The following SYNPR variants were observed in gnomAD, a reference collection of about 807,000 sequenced individuals.
The protein encoded by SYNPR is synaptoporin.
SYNPR carries 23 observed loss-of-function variants against 32.9 expected under a neutral mutation model. The ratio of observed to expected loss-of-function variants is 0.70; its 90% confidence interval spans 0.50 to 0.99. SYNPR has a LOEUF of 0.99. SYNPR is among the 50% of genes least tolerant of loss of function. The pLI, the probability that SYNPR is intolerant of heterozygous loss-of-function variation, is 0.00. For synonymous variants in SYNPR, 146 were observed against 135.9 expected (o/e 1.07, Z -0.52); for missense variants, 318 against 349.3 (o/e 0.91, Z 0.71).
At chr3:63,463,647 T>C (rs901392920) in intron 2 of SYNPR, among the ~76,000 whole-genome samples, 3 of 152,166 alleles carry the variant, frequency 2.0e-5, no homozygotes, top group African/African-American at 7.2e-5. Context: ...CATGTCCGCA[T>C]GACAATTTTT....
chr3:63,400,338 G>A (rs906870802), intron 2 of SYNPR, among the ~76,000 whole-genome samples: 13 of 152,198 alleles, frequency 8.5e-5, no homozygotes. Flanking sequence ...TTAGCTGGGA[G>A]GGTCTAATAT....
chr3:63,589,363 C>T (rs565410410), intron 4 of SYNPR, among the ~76,000 whole-genome samples: 1 of 152,206 alleles, frequency 6.6e-6, no homozygotes, highest in South Asian at 2.1e-4. Flanking sequence ...TAACAGCTCT[C>T]TCTTCTACCA....
intron 2 of SYNPR, among the ~76,000 whole-genome samples, chr3:63,335,790 T>TTTTTTTTTTA (rs2087285250): frequency 5.6e-5 from 8 of 142,460 alleles, no homozygotes; most frequent in East Asian, 2.1e-4. Context: ...TTTTTTTTTT[T>TTTTTTTTTTA]GAGACAGAGT....
chr3:63,602,924 T>C (rs1490785099), intron 4 of SYNPR, among the ~76,000 whole-genome samples: 3 of 152,222 alleles, frequency 2.0e-5, no homozygotes, highest in South Asian at 2.1e-4. Context: ...AATCTATAAA[T>C]TGCTTTGGGC....
intron 5 of SYNPR, among the ~76,000 whole-genome samples, chr3:63,614,516 G>C (rs918375813): frequency 8.5e-5 from 13 of 152,180 alleles, no homozygotes; most frequent in Non-Finnish European, 1.3e-4. Flanking sequence ...TCTGAAACCT[G>C]CACTTTATTC....
chr3:63,426,357 C>G (rs1353660119), intron 2 of SYNPR, among the ~76,000 whole-genome samples: 2 of 152,126 alleles, frequency 1.3e-5, no homozygotes, highest in Non-Finnish European at 2.9e-5. Context: ...TCACCAGTAA[C>G]CTGCATTCTT....
chr3:63,218,400 AT>A, the SYNPR span, among the ~76,000 whole-genome samples: 21 of 152,296 alleles, frequency 1.4e-4, no homozygotes, highest in African/African-American at 4.8e-4. Context: ...AGAATCCACT[AT>A]GTGCCTCACA....
At chr3:63,511,678 G>A (rs1701702035) in intron 3 of SYNPR, among the ~76,000 whole-genome samples, 1 of 152,078 alleles carries the variant, frequency 6.6e-6, no homozygotes, top group Non-Finnish European at 1.5e-5. Flanking sequence ...CCCCATCTGA[G>A]TAGCTTTTCT....
chr3:63,265,472 G>A (rs1406005692), intron 2 of SYNPR, among the ~76,000 whole-genome samples: 3 of 151,930 alleles, frequency 2.0e-5, no homozygotes, highest in Admixed American at 6.6e-5. Flanking sequence ...GGCTGGTCTC[G>A]AATTCCTGAC....
At chr3:63,604,814 T>G (rs1422139061) in intron 4 of SYNPR, among the ~76,000 whole-genome samples, 1 of 152,238 alleles carries the variant, frequency 6.6e-6, no homozygotes, top group Non-Finnish European at 1.5e-5. Flanking sequence ...GGGCAAATTT[T>G]GCCATGTGAA....
At chr3:63,603,925 G>T (rs899084639) in intron 4 of SYNPR, among the ~76,000 whole-genome samples, 11 of 152,122 alleles carry the variant, frequency 7.2e-5, no homozygotes, top group Non-Finnish European at 1.6e-4. Context: ...TGGTAGGAAT[G>T]GTCCCAATTC....
At chr3:63,296,470 G>A (rs978183159) in intron 2 of SYNPR, among the ~76,000 whole-genome samples, 2 of 152,120 alleles carry the variant, frequency 1.3e-5, no homozygotes, top group Admixed American at 6.6e-5. Context: ...CAGGAGCCTA[G>A]TCTGGTGGAT....
upstream of SYNPR, among the ~76,000 whole-genome samples, chr3:63,226,969 A>G (rs2086133229): frequency 2.0e-5 from 3 of 152,340 alleles, no homozygotes; most frequent in South Asian, 6.2e-4. Flanking sequence ...AAATACTCAC[A>G]TGTACTTCAT....
intron 2 of SYNPR, among the ~76,000 whole-genome samples, chr3:63,374,745 TAA>T (rs1017362895): frequency 3.5e-4 from 53 of 152,314 alleles, no homozygotes; most frequent in African/African-American, 1.3e-3. Context: ...AATTTGCTAA[TAA>T]GTTTACAGTT....
intron 2 of SYNPR, among the ~76,000 whole-genome samples, chr3:63,471,446 T>TG (rs545470868): frequency 6.6e-6 from 1 of 152,116 alleles, no homozygotes; most frequent in South Asian, 2.1e-4. Flanking sequence ...GCAGTAACCA[T>TG]AAACTGATGG....
At chr3:63,426,483 G>C (rs1433683381) in intron 2 of SYNPR, among the ~76,000 whole-genome samples, 1 of 152,138 alleles carries the variant, frequency 6.6e-6, no homozygotes, top group Non-Finnish European at 1.5e-5. Context: ...CCCAGGCAAT[G>C]GGGGGTATGG....
At chr3:63,404,932 T>G (rs17068494) in intron 2 of SYNPR, among the ~76,000 whole-genome samples, 246 of 152,262 alleles carry the variant, frequency 1.6e-3, no homozygotes, top group Non-Finnish European at 2.2e-3. Context: ...ACTAACTCTA[T>G]GTAGTCAGAA....
chr3:63,402,977 C>T (rs1013878747), intron 2 of SYNPR, among the ~76,000 whole-genome samples: 7 of 152,090 alleles, frequency 4.6e-5, no homozygotes, highest in African/African-American at 1.2e-4. Context: ...CTAGAGATAA[C>T]GATCTCAAAT....
intron 2 of SYNPR, among the ~76,000 whole-genome samples, chr3:63,260,253 G>C (rs373937210): frequency 1.3e-5 from 2 of 152,100 alleles, no homozygotes; most frequent in Non-Finnish European, 2.9e-5. Context: ...AAACGAGCCC[G>C]CATCGCCAAG....
Sources: allele counts gnomAD v4.1 joint callset (sites outside exome capture counted in the v4.1 genomes callset), GRCh38; gene constraint gnomAD v4.1.1; transcripts MANE v1.5; gene names NCBI Gene and HGNC (gene_info 2026-07-23, HGNC 2026-07-21).